COL12A1: variants seen among roughly 807,000 people sequenced by gnomAD.
COL12A1 encodes the protein collagen alpha-1(XII) chain.
In COL12A1, 114 loss-of-function variants were observed where a neutral mutation model predicts 349.7. That is an observed-to-expected ratio of 0.33 (90% CI 0.28 to 0.38). COL12A1 has a LOEUF of 0.38. COL12A1 is among the 10% of genes least tolerant of loss of function. The pLI is 1.00. For missense variants in COL12A1, 3,284 were observed against 3,756.9 expected (o/e 0.87, Z 3.29); for synonymous variants, 1,369 against 1,329.0 (o/e 1.03, Z -0.66).
In COL12A1 at chr6:75,085,255, C is replaced by T. The variant is rs1767427860; in HGVS notation, c.*1292G>A. 6.4e-6 allele frequency: 3 copies of T among 470,896 alleles called. No individual in the cohort carries two copies. The highest frequency in any genetic ancestry group is 1.3e-5 in the Non-Finnish European group (3 of 227,062). 29.2% of individuals were successfully genotyped at this position (470,896 alleles called of 1,614,324 possible). ...CGGTGGGGCTCAGGAGGCTCCTCTG[C>T]AGGCTCGTCTGCGCCGTAGTCCTCG... On this transcript the variant is annotated 3_prime_UTR_variant, in exon 66 of 66. Coordinates refer to ENST00000322507, the MANE Select transcript of COL12A1 (RefSeq NM_004370.6).
At chr6:75,172,872 G>A (rs933954851) in intron 13 of COL12A1, among the ~76,000 whole-genome samples, 35 of 152,120 alleles carry the variant, frequency 2.3e-4, no homozygotes, top group African/African-American at 4.1e-4. Flanking sequence ...CACAGGATGC[G>A]AAAGCCACCT....
Position 75,147,737 on chromosome 6 carries a change from A to G in COL12A1, c.4355T>C (p.Val1452Ala). 1 of 1,613,608 alleles carries G rather than the reference A, an allele frequency of 6.2e-7. No individual in the cohort carries two copies. Among genetic ancestry groups the G allele is most frequent in the African/African-American group, 1.3e-5 (1 of 75,012 alleles). ...KDLKPETEYV[V>A]NVYSVVEDEY... The stretch of plus-strand genomic sequence containing the variant: ...ATCTTCTACCACAGAATACACATTG[A>G]CAACATATTCAGTTTCAGGTTTCAG... The change falls in exon 23 of 66, where the codon GTC (valine) becomes GCC (alanine). Residue 1452 changes from valine (V) to alanine (A), a missense_variant. Transcript: ENST00000322507.
At chr6:75,118,859 T>C (rs547169594) in intron 46 of COL12A1, among the ~76,000 whole-genome samples, 184 bp downstream of exon 46, 1 of 152,210 alleles carries the variant, frequency 6.6e-6, no homozygotes, top group Non-Finnish European at 1.5e-5. Flanking sequence ...GAATACCCCA[T>C]GTCATTTTTG....
chr6:75,169,716 T>G (rs141869207), intron 13 of COL12A1, among the ~76,000 whole-genome samples: 222 of 152,322 alleles, frequency 1.5e-3, no homozygotes, highest in Non-Finnish European at 2.4e-3. Flanking sequence ...TGGCAATCAT[T>G]TCAAACAAGT....
At chr6:75,128,049 C>A (rs949052844) in intron 38 of COL12A1, among the ~76,000 whole-genome samples, 8 of 151,962 alleles carry the variant, frequency 5.3e-5, no homozygotes, top group African/African-American at 1.9e-4. Flanking sequence ...CTATCTTAAG[C>A]GAATAAAAAT....
intron 53 of COL12A1, 23 bp downstream of exon 53, chr6:75,106,396 G>A (rs773387634): frequency 6.3e-7 from 1 of 1,596,848 alleles, no homozygotes; most frequent in Admixed American, 1.7e-5. Flanking sequence ...AGCCATGGCA[G>A]AATTCAATTC....
Position 75,113,331 on chromosome 6 carries a change from G to T in COL12A1, c.7841-18C>A. ...GCTAGAAGCTGTAATCAACATAAAA[G>T]TGTTATTAAATCATATGCATTGTAT... On this transcript the variant is annotated intron_variant, in intron 50 of 65. Transcript: ENST00000322507. 6.8e-7 allele frequency: 1 copy of T among 1,462,222 alleles called. No individual in the cohort carries two copies. The highest frequency in any genetic ancestry group is 9.2e-7 in the Non-Finnish European group (1 of 1,085,196). The allele number at this position is 1,462,222 out of a possible 1,614,324, so 90.6% of individuals were successfully genotyped here.
At chr6:75,101,574 A>T (rs764235407) in intron 58 of COL12A1, 26 bp downstream of exon 58, 1 of 1,607,876 alleles carries the variant, frequency 6.2e-7, no homozygotes, top group Non-Finnish European at 8.5e-7. Context: ...TTCCAACATC[A>T]TTGTAGCCTG....
At chr6:75,202,848 T>A in intron 1 of COL12A1, 21 bp from the exon 2 acceptor site, 1 of 1,506,090 alleles carries the variant, frequency 6.6e-7, no homozygotes, top group Non-Finnish European at 9.0e-7. Context: ...AAGTAGTGAC[T>A]GCATCAGAAC....
chr6:75,197,484 G>A (rs1770292867), intron 2 of COL12A1, among the ~76,000 whole-genome samples: 1 of 151,816 alleles, frequency 6.6e-6, no homozygotes, highest in African/African-American at 2.4e-5. Flanking sequence ...GGCTAATTTT[G>A]TATTTTTAGT....
At chr6:75,150,793 G>T (rs1767441100) in intron 21 of COL12A1, among the ~76,000 whole-genome samples, 2 of 152,076 alleles carry the variant, frequency 1.3e-5, no homozygotes, top group South Asian at 4.1e-4. Flanking sequence ...TATGTTGTGT[G>T]GGGGAGGGTG....
Position 75,109,041 on chromosome 6 carries a change from T to C in COL12A1, c.8077A>G (p.Lys2693Glu), listed in dbSNP as rs1768704314. 1 of 1,612,266 alleles carries C rather than the reference T, an allele frequency of 6.2e-7. No individual in the cohort carries two copies. Among genetic ancestry groups the C allele is most frequent in the South Asian group, 1.1e-5 (1 of 90,666 alleles). The change falls in exon 52 of 66, where the codon AAA becomes GAA. Residue 2693 changes from lysine (K) to glutamate (E), a missense_variant. Transcript: ENST00000322507. Reference sequence around the variant, plus strand: ...ACTGCGGCTGATTTCCTTTCCCCTTTAAGGAGTTTTCCAAGAATTTCATAA... The same window carrying C: ...ACTGCGGCTGATTTCCTTTCCCCTTCAAGGAGTTTTCCAAGAATTTCATAA... ...DGYEILGKLL[K>E]GERKSAAFQI...
chr6:75,102,562 C>T (rs773876555), intron 56 of COL12A1, 35 bp downstream of exon 56: 3 of 1,383,146 alleles, frequency 2.2e-6, no homozygotes, highest in South Asian at 1.6e-5. Context: ...GTTTATCCAC[C>T]ACTCTCATTT....
chr6:75,146,266 C>G, intron 23 of COL12A1, 22 bp from the exon 24 acceptor site: 1 of 1,579,998 alleles, frequency 6.3e-7, no homozygotes, highest in East Asian at 2.2e-5. Context: ...GAAAAGCAGA[C>G]CATCAGTCTA....
rs188150432 is a variant in COL12A1 at position 75,124,435 on chromosome 6, A to T, written c.6608-64T>A. 4.7e-4 allele frequency: 574 copies of T among 1,220,048 alleles called. 2 individuals are homozygous for T. In the Middle Eastern group the frequency reaches 0.012, roughly 25 times the overall value. The allele number at this position is 1,220,048 out of a possible 1,614,324, so 75.6% of individuals were successfully genotyped here. A position where few individuals can be genotyped will look rare whatever the true frequency, so the allele number is the denominator to read the frequency against. On this transcript the variant is annotated intron_variant, in intron 40 of 65. Transcript: ENST00000322507. ...TGAGGCAAAAAGTGTACTTTTAATC[A>T]TAACACAATTTTCAAACTTTCACTG...
intron 58 of COL12A1, among the ~76,000 whole-genome samples, chr6:75,101,120 AC>A (rs1768284759): frequency 6.6e-6 from 1 of 152,098 alleles, no homozygotes; most frequent in South Asian, 2.1e-4. Context: ...CCTACTAAAT[AC>A]CAGCTGTCTA....
At chr6:75,164,379 T>G (rs747664250) in intron 14 of COL12A1, among the ~76,000 whole-genome samples, 1 of 152,140 alleles carries the variant, frequency 6.6e-6, no homozygotes, top group Non-Finnish European at 1.5e-5. Context: ...TCTCTCTTCC[T>G]TTGCCAGAAA....
At chr6:75,126,506 T>A in intron 38 of COL12A1, 36 bp from the exon 39 acceptor site, 1 of 1,593,792 alleles carries the variant, frequency 6.3e-7, no homozygotes, top group Non-Finnish European at 8.6e-7. Context: ...ACTGACCTTT[T>A]ATTGGCACAC....
Position 75,090,377 on chromosome 6 carries a change from T to C in COL12A1, c.8753-79A>G. The C allele has an allele frequency of 1.5e-6, 2 of 1,346,586 alleles. No homozygotes were observed. The highest frequency in any genetic ancestry group is 2.0e-6 in the Non-Finnish European group (2 of 982,274). 83.4% of individuals were successfully genotyped at this position (1,346,586 alleles called of 1,614,324 possible). A position where few individuals can be genotyped will look rare whatever the true frequency, so the allele number is the denominator to read the frequency against. On this transcript the variant is annotated intron_variant, in intron 62 of 65. Transcript: ENST00000322507. This position sits in a 1 kb window ranked among gnomAD's most constrained non-coding sequence, Gnocchi z 4.1. ...AGAGTGAAACTGTTTTCTCTTAGTGTCTAGTGAAATCCATCTCCATTCTGC... is the reference window on the plus strand; with the variant it reads ...AGAGTGAAACTGTTTTCTCTTAGTGCCTAGTGAAATCCATCTCCATTCTGC...
Sources: allele counts gnomAD v4.1 joint callset (sites outside exome capture counted in the v4.1 genomes callset), GRCh38; gene constraint gnomAD v4.1.1; non-coding constraint Gnocchi (gnomAD v3.1); transcripts MANE v1.5; gene names NCBI Gene and HGNC (gene_info 2026-07-23, HGNC 2026-07-21).